Variants in PCDHAC1 observed in about 807,000 individuals in gnomAD.
The protein encoded by PCDHAC1 is protocadherin alpha-C1.
Under a neutral mutation model 60.0 loss-of-function variants are expected in PCDHAC1, and 42 were observed. That is an observed-to-expected ratio of 0.70 (90% CI 0.55 to 0.90). The LOEUF is 0.90. Ranked by LOEUF, PCDHAC1 falls within the 40% of genes least tolerant of loss-of-function variation. The pLI, the probability that PCDHAC1 is intolerant of heterozygous loss-of-function variation, is 0.00. For missense variants in PCDHAC1, 1,160 were observed against 1,222.3 expected (o/e 0.95, Z 0.76); for synonymous variants, 468 against 499.3 (o/e 0.94, Z 0.84).
intron 3 of PCDHAC1, among the ~76,000 whole-genome samples, chr5:140,995,889 A>G (rs1007675217): frequency 1.3e-5 from 2 of 152,202 alleles, no homozygotes; most frequent in African/African-American, 4.8e-5. Context: ...CTTCAGATTT[A>G]TCAATGTATA....
intron 1 of PCDHAC1, among the ~76,000 whole-genome samples, chr5:140,970,178 A>T (rs1190328996): frequency 6.6e-6 from 1 of 152,214 alleles, no homozygotes; most frequent in East Asian, 1.9e-4. Context: ...GCATACTCTG[A>T]ATTCATTGTA....
At chr5:140,993,532 AG>A (rs2097571069) in intron 3 of PCDHAC1, among the ~76,000 whole-genome samples, 7 of 152,102 alleles carry the variant, frequency 4.6e-5, no homozygotes, top group African/African-American at 1.7e-4. Context: ...ACAGAGAGAG[AG>A]AGAGATAGAG....
rs553859456 is a variant in PCDHAC1 at position 140,938,056 on chromosome 5, A to G, written c.2433+8731A>G. Among the ~76,000 whole-genome samples, 1,107 of 152,294 alleles carry G rather than the reference A, an allele frequency of 7.3e-3. 4 individuals carry two copies. Among genetic ancestry groups the G allele is most frequent in the Admixed American group, 0.012 (189 of 15,304 alleles). ...TTTATATTTTGGGTTTTCTACATATACTGTCATGCTATTCCCAAATAATGT... is the reference window on the plus strand; with the variant it reads ...TTTATATTTTGGGTTTTCTACATATGCTGTCATGCTATTCCCAAATAATGT... On this transcript the variant is annotated intron_variant, in intron 1 of 3. Coordinates refer to ENST00000253807, the MANE Select transcript of PCDHAC1 (RefSeq NM_018898.5).
chr5:140,927,514 G>T lies in PCDHAC1; in HGVS notation c.622G>T (p.Gly208Cys). 1 of 1,614,056 alleles carries T rather than the reference G, an allele frequency of 6.2e-7. No individual in the cohort carries two copies. The highest frequency in any genetic ancestry group is 8.5e-7 in the Non-Finnish European group (1 of 1,180,032). ...THLLVLTARD[G>C]GLPARSGDAQ... ...CCTGCTGGTGCTTACAGCTCGGGAC[G>T]GCGGGCTACCTGCCCGCTCAGGAGA... Residue 208 changes from glycine (G) to cysteine (C), a missense_variant, in exon 1 of 4, where the codon GGC (glycine) becomes TGC (cysteine). Gly to Cys is a radical substitution (Grantham distance 159). Coordinates refer to ENST00000253807, the MANE Select transcript of PCDHAC1 (RefSeq NM_018898.5).
chr5:140,962,757 T>C (rs1554226219), intron 1 of PCDHAC1, among the ~76,000 whole-genome samples: 1 of 152,240 alleles, frequency 6.6e-6, no homozygotes, highest in Non-Finnish European at 1.5e-5. Context: ...GGAATCCTAT[T>C]CGTTTTTAAC....
intron 1 of PCDHAC1, among the ~76,000 whole-genome samples, chr5:140,934,505 G>C (rs155823): frequency 0.32 from 48,260 of 151,744 alleles, 8,006 homozygotes; most frequent in East Asian, 0.53. Flanking sequence ...ACACCCAAAG[G>C]GTCCATAGAC....
Position 140,926,949 on chromosome 5 carries a change from G to C in PCDHAC1, c.57G>C (p.Ala19=). 6 of 1,592,316 alleles carry C rather than the reference G, an allele frequency of 3.8e-6. No individual in the cohort carries two copies. Among genetic ancestry groups the C allele is most frequent in the Non-Finnish European group, 5.1e-6 (6 of 1,166,128 alleles). Residue 19 remains alanine, a synonymous_variant, in exon 1 of 4, where the codon GCG becomes GCC. Transcript: ENST00000253807. ...LCLWVSCGAA[A]GQLEYSVPEE... ...TGTGGGTTTCCTGCGGCGCTGCAGCGGGACAGCTCGAGTACTCAGTGCCGG... is the reference window on the plus strand; with the variant it reads ...TGTGGGTTTCCTGCGGCGCTGCAGCCGGACAGCTCGAGTACTCAGTGCCGG...
rs782694957 is a variant in PCDHAC1, at chr5:140,927,308, C to T, written c.416C>T (p.Pro139Leu). The T allele has an allele frequency of 1.9e-6, 3 of 1,614,186 alleles. No homozygotes were observed. The highest frequency in any genetic ancestry group is 2.5e-6 in the Non-Finnish European group (3 of 1,180,038). Residue 139 changes from proline to leucine, a missense_variant, in exon 1 of 4, where the codon CCC becomes CTC. Pro to Leu is a moderately conservative substitution (Grantham distance 98, BLOSUM62 -3). This residue lies in a region of PCDHAC1 where 1,113 missense variants were observed against 1,163.7 expected (regional missense o/e 0.96). Coordinates refer to ENST00000253807, the MANE Select transcript of PCDHAC1 (RefSeq NM_018898.5). ...CTGCACATCCCCGAGTTCCTGACGCCCGGAGCCCGCTTTACTCTCCCGAAT... is the reference window on the plus strand; with the variant it reads ...CTGCACATCCCCGAGTTCCTGACGCTCGGAGCCCGCTTTACTCTCCCGAAT... ...VQLHIPEFLT[P>L]GARFTLPNAQ...
chr5:140,971,718 G>A (rs1554233569), intron 1 of PCDHAC1, among the ~76,000 whole-genome samples: 3 of 151,796 alleles, frequency 2.0e-5, no homozygotes, highest in Non-Finnish European at 2.9e-5. Flanking sequence ...ATAGATATAT[G>A]TATATCATAC....
intron 1 of PCDHAC1, among the ~76,000 whole-genome samples, chr5:140,939,327 C>T (rs2092367339): frequency 6.6e-6 from 1 of 152,146 alleles, no homozygotes; most frequent in South Asian, 2.1e-4. Flanking sequence ...ATATCATAAT[C>T]TTAGGGGTTA....
intron 1 of PCDHAC1, among the ~76,000 whole-genome samples, chr5:140,935,509 C>T (rs2090411551): frequency 6.6e-6 from 1 of 152,080 alleles, no homozygotes; most frequent in Admixed American, 6.6e-5. Context: ...TTACAAATGC[C>T]CAGTAGGCAT....
At chr5:140,983,739 G>A (rs983923811) in intron 3 of PCDHAC1, among the ~76,000 whole-genome samples, 1 of 152,194 alleles carries the variant, frequency 6.6e-6, no homozygotes, top group African/African-American at 2.4e-5. Context: ...TGGCTGGCTT[G>A]CAATAATCCA....
At chr5:140,941,321 T>C (rs1220701599) in intron 1 of PCDHAC1, among the ~76,000 whole-genome samples, 5 of 62,540 alleles carry the variant, frequency 8.0e-5, no homozygotes, top group African/African-American at 2.0e-4. Context: ...TTCTTTCTCT[T>C]TTTTTTTTTT....
intron 1 of PCDHAC1, chr5:140,969,130 C>A (rs1353677478): frequency 2.5e-6 from 4 of 1,614,132 alleles, no homozygotes; most frequent in Non-Finnish European, 1.7e-6. Context: ...GCTCCCTCAC[C>A]AAGACCTACT....
At chr5:140,967,346 G>A (rs1332345482) in intron 1 of PCDHAC1, 1 of 1,607,970 alleles carries the variant, frequency 6.2e-7, no homozygotes, top group Non-Finnish European at 8.5e-7. Flanking sequence ...CGAGCACTTC[G>A]AGCTGGACCT....
In PCDHAC1 at chr5:140,984,045, T is replaced by C. The variant is rs77384794; in HGVS notation, c.2581+1482T>C. Among the ~76,000 whole-genome samples, 455 of 152,316 alleles carry C rather than the reference T, an allele frequency of 3.0e-3. 7 individuals carry two copies. In the East Asian group the frequency reaches 0.044, roughly 15 times the overall value. On this transcript the variant is annotated intron_variant, in intron 3 of 3. Transcript: ENST00000253807. ...AAGGGGAAAAACATAAAATAGTTCA[T>C]TGACAAATCTGTACCCTCAGTGCCA... is the stretch of plus-strand genomic sequence containing the variant.
rs1424047708 is a variant in PCDHAC1 at position 140,929,103 on chromosome 5, G to C, written c.2211G>C (p.Met737Ile). 6.2e-7 allele frequency: 1 copy of C among 1,614,062 alleles called. No individual in the cohort carries two copies. The highest frequency in any genetic ancestry group is 2.2e-5 in the East Asian group (1 of 44,892). The change falls in exon 1 of 4, where the codon ATG (methionine) becomes ATC (isoleucine). Residue 737 changes from methionine (M) to isoleucine (I), a missense_variant. Coordinates refer to ENST00000253807, the MANE Select transcript of PCDHAC1 (RefSeq NM_018898.5). ...YGSKMVSNPCMTSATIDVTTV... is the reference protein window; with the variant it reads ...YGSKMVSNPCITSATIDVTTV... ...GTAAGATGGTTTCAAATCCTTGCAT[G>C]ACATCAGCCACCATAGATGTCACTA... is the stretch of plus-strand genomic sequence containing the variant.
intron 1 of PCDHAC1, among the ~76,000 whole-genome samples, chr5:140,950,472 T>C (rs782525513): frequency 2.0e-5 from 3 of 152,084 alleles, no homozygotes; most frequent in East Asian, 1.9e-4. Context: ...TCATAGTTTC[T>C]GATGAGAAGT....
chr5:140,997,557 A>G lies in PCDHAC1; in HGVS notation c.2582-12070A>G, dbSNP rs1392974918. On this transcript the variant is annotated intron_variant, in intron 3 of 3. Coordinates refer to ENST00000253807, the MANE Select transcript of PCDHAC1 (RefSeq NM_018898.5). ...TACATTATTATAATCTTACAGGACA[A>G]CTGTCATATGTGTGGTCCGTTGTTG... is the stretch of plus-strand genomic sequence containing the variant. Among the ~76,000 whole-genome samples, 15 of 152,262 alleles carry G rather than the reference A, an allele frequency of 9.9e-5. No individual in the cohort carries two copies. In the South Asian group the frequency reaches 1.2e-3, roughly 13 times the overall value.
Sources: allele counts gnomAD v4.1 joint callset (sites outside exome capture counted in the v4.1 genomes callset), GRCh38; gene constraint gnomAD v4.1.1; regional missense constraint gnomAD v4.1.1; transcripts MANE v1.5; gene names NCBI Gene and HGNC (gene_info 2026-07-23, HGNC 2026-07-21).